PTCHD4: variants seen among roughly 807,000 people sequenced by gnomAD.
The protein encoded by PTCHD4 is patched domain-containing protein 4.
PTCHD4 carries 33 observed loss-of-function variants against 58.1 expected under a neutral mutation model. That is an observed-to-expected ratio of 0.57 (90% confidence interval 0.43 to 0.76). PTCHD4 has a LOEUF of 0.76. Ranked by LOEUF, PTCHD4 falls within the 30% of genes least tolerant of loss-of-function variation. The pLI, the probability that PTCHD4 is intolerant of heterozygous loss-of-function variation, is 0.00. For missense variants in PTCHD4, 1,058 were observed against 1,027.1 expected, an observed-to-expected ratio of 1.03 and a Z score of -0.41; for synonymous variants, 478 against 409.6, an observed-to-expected ratio of 1.17 and a Z score of -2.02.
chr6:47,878,084 G>A lies in PTCHD4; in HGVS notation c.*219C>T. ...GCTCTCAGATTACATCCAGAAACTT[G>A]TTTTTAGAGGAGAACAAGGTTGCAA... On this transcript the variant is annotated 3_prime_UTR_variant, in exon 5 of 5. Coordinates refer to ENST00000339488, the MANE Select transcript of PTCHD4 (RefSeq NM_001384253.1). 1 of 428,358 alleles carries A rather than the reference G, an allele frequency of 2.3e-6. No homozygotes were observed. Among genetic ancestry groups the A allele is most frequent in the Non-Finnish European group, 4.1e-6 (1 of 242,856 alleles). 26.5% of individuals were successfully genotyped at this position (428,358 alleles called of 1,614,324 possible).
At chr6:47,990,071 A>G (rs1410806222) in intron 4 of PTCHD4, among the ~76,000 whole-genome samples, 1 of 152,188 alleles carries the variant, frequency 6.6e-6, no homozygotes, top group Non-Finnish European at 1.5e-5. Flanking sequence ...GTCAAAGGAG[A>G]TAATTTTGGA....
chr6:48,077,231 G>A (rs1317053351), intron 1 of PTCHD4, among the ~76,000 whole-genome samples: 1 of 152,166 alleles, frequency 6.6e-6, no homozygotes, highest in Non-Finnish European at 1.5e-5. Context: ...ATTCTTAAGG[G>A]CCCTAGGATT....
chr6:47,945,986 C>T (rs1338466303), intron 4 of PTCHD4, among the ~76,000 whole-genome samples: 6 of 151,698 alleles, frequency 4.0e-5, no homozygotes, highest in East Asian at 1.9e-4. Context: ...CTTTAACCCA[C>T]AATTATTTAG....
rs1763497666 is a variant in PTCHD4, at chr6:47,864,186, A to G, written c.*14117T>C. On this transcript the variant is annotated 3_prime_UTR_variant, in exon 5 of 5. Transcript: ENST00000339488. The stretch of plus-strand genomic sequence containing the variant: ...TTCAGGCCTCACTCCAGATCTATTG[A>G]ATCAGAACCTCTGGAGATGGGGATA... 6.6e-6 allele frequency among the ~76,000 whole-genome samples: 1 copy of G among 151,926 alleles called. No homozygotes were observed. Among genetic ancestry groups the G allele is most frequent in the East Asian group, 1.9e-4 (1 of 5,152 alleles).
At chr6:48,015,061 C>T (rs922603379) in intron 3 of PTCHD4, among the ~76,000 whole-genome samples, 3 of 150,542 alleles carry the variant, frequency 2.0e-5, no homozygotes, top group East Asian at 3.9e-4. Context: ...CCCCAAAAAC[C>T]TCCTACAAAA....
chr6:47,863,476 T>C lies in PTCHD4; in HGVS notation c.*14827A>G, dbSNP rs140542283. ...CTGGTTCTTTTCTCCACCTGACACA[T>C]ACCCTACATTCTTAGGGTTGTGAGA... On this transcript the variant is annotated 3_prime_UTR_variant, in exon 5 of 5. Transcript: ENST00000339488. Among the ~76,000 whole-genome samples, 14 of 152,086 alleles carry C rather than the reference T, an allele frequency of 9.2e-5. No homozygotes were observed. The East Asian group carries it at 2.5e-3, about 27-fold the overall frequency.
intron 4 of PTCHD4, among the ~76,000 whole-genome samples, chr6:47,888,128 C>T (rs1181966434): frequency 2.6e-5 from 4 of 152,090 alleles, no homozygotes. Context: ...GAGGCCGAGG[C>T]AGGTGGATCA....
In PTCHD4 at chr6:47,856,867, T is replaced by C. The variant is rs1301296464; in HGVS notation, c.*21436A>G. ...TGATTTTCTAATATAAAAAAGCATA[T>C]AGTCATCAACCTTTATATAAATCCA... On this transcript the variant is annotated 3_prime_UTR_variant, in exon 5 of 5. Transcript: ENST00000339488. Among the ~76,000 whole-genome samples, 1 of 152,082 alleles carries C rather than the reference T, an allele frequency of 6.6e-6. No homozygotes were observed. The highest frequency in any genetic ancestry group is 6.6e-5 in the Admixed American group (1 of 15,238).
chr6:47,894,042 C>T (rs1200848162), intron 4 of PTCHD4, among the ~76,000 whole-genome samples: 2 of 152,204 alleles, frequency 1.3e-5, no homozygotes, highest in African/African-American at 2.4e-5. Context: ...ACCATTCACA[C>T]TCAGGAGGAG....
intron 3 of PTCHD4, among the ~76,000 whole-genome samples, chr6:48,029,563 T>C (rs1763365125): frequency 6.6e-6 from 1 of 152,124 alleles, no homozygotes; most frequent in Non-Finnish European, 1.5e-5. Flanking sequence ...AATCCCTTCC[T>C]TTTCTTTTAA....
At chr6:47,880,177 T>G (rs1322101363) in intron 4 of PTCHD4, among the ~76,000 whole-genome samples, 1 of 152,146 alleles carries the variant, frequency 6.6e-6, no homozygotes, top group African/African-American at 2.4e-5. Context: ...TTGTCTGTTC[T>G]ATCAATGTGA....
chr6:47,967,238 C>T (rs962875972), intron 4 of PTCHD4, among the ~76,000 whole-genome samples: 5 of 152,140 alleles, frequency 3.3e-5, no homozygotes, highest in African/African-American at 1.2e-4. Flanking sequence ...TCTTGGGTAA[C>T]CAGACGCATT....
rs972880401 is a variant in PTCHD4, at chr6:47,901,322, T to C, written c.899-21386A>G. The C allele has an allele frequency of 7.8e-6, 4 of 511,476 alleles. No homozygotes were observed. In the African/African-American group the frequency reaches 8.3e-5, roughly 11 times the overall value. 31.7% of individuals were successfully genotyped at this position (511,476 alleles called of 1,614,324 possible). A position where few individuals can be genotyped will look rare whatever the true frequency, so the allele number is the denominator to read the frequency against. ...CCTGTAGTTTTCCTTCCTTGTGATGTTTTTGTCTGGTTTTAGTATCAGGGT... is the reference window on the plus strand; with the variant it reads ...CCTGTAGTTTTCCTTCCTTGTGATGCTTTTGTCTGGTTTTAGTATCAGGGT... On this transcript the variant is annotated intron_variant, in intron 4 of 4. Transcript: ENST00000339488.
At chr6:47,891,476 C>T (rs1282742400) in intron 4 of PTCHD4, among the ~76,000 whole-genome samples, 3 of 152,010 alleles carry the variant, frequency 2.0e-5, no homozygotes, top group East Asian at 1.9e-4. Flanking sequence ...TTGCCCAAAA[C>T]GTAAAATGGA....
chr6:47,899,096 A>G (rs1214531583), intron 4 of PTCHD4, among the ~76,000 whole-genome samples: 1 of 152,264 alleles, frequency 6.6e-6, no homozygotes, highest in Non-Finnish European at 1.5e-5. Flanking sequence ...AAGCAGATAC[A>G]GGTCTAGGAG....
Position 47,857,685 on chromosome 6 carries a change from C to T in PTCHD4, c.*20618G>A, listed in dbSNP as rs1763334913. Among the ~76,000 whole-genome samples the T allele has an allele frequency of 6.6e-6, 1 of 151,882 alleles. No homozygotes were observed. Among genetic ancestry groups the T allele is most frequent in the Admixed American group, 6.6e-5 (1 of 15,210 alleles). On this transcript the variant is annotated 3_prime_UTR_variant, in exon 5 of 5. Coordinates refer to ENST00000339488, the MANE Select transcript of PTCHD4 (RefSeq NM_001384253.1). ...CTGCAATAGTATCCAAAACTAAGAG[C>T]TGTAAATTAGTTAATAGACTACTTA...
intron 1 of PTCHD4, among the ~76,000 whole-genome samples, chr6:48,110,790 TAA>T (rs528145377): frequency 1.6e-5 from 2 of 128,250 alleles, no homozygotes; most frequent in Non-Finnish European, 3.6e-5. Context: ...TATATATATA[TAA>T]ATATATATAT....
intron 4 of PTCHD4, among the ~76,000 whole-genome samples, chr6:47,895,154 A>T (rs1049700265): frequency 6.6e-6 from 1 of 152,048 alleles, no homozygotes; most frequent in Non-Finnish European, 1.5e-5. Flanking sequence ...AAAAAAAGAA[A>T]CAATAATAAA....
At chr6:47,980,701 A>T (rs532393968) in intron 4 of PTCHD4, among the ~76,000 whole-genome samples, 2 of 151,970 alleles carry the variant, frequency 1.3e-5, no homozygotes, top group Non-Finnish European at 2.9e-5. Flanking sequence ...ATTTTAAATG[A>T]AAATAATTAA....
Sources: gnomAD v4.1 joint callset for allele counts (sites outside exome capture counted in the v4.1 genomes callset) on GRCh38, gnomAD v4.1.1 for gene constraint, MANE v1.5 for transcripts, NCBI Gene and HGNC (gene_info 2026-07-23, HGNC 2026-07-21) for gene names.